The following ZNF341 variants were observed in gnomAD, a reference collection of about 807,000 sequenced individuals.
The protein encoded by ZNF341 is zinc finger protein 341.
Under a neutral mutation model 87.7 loss-of-function variants are expected in ZNF341, and 52 were observed. The observed-to-expected ratio is 0.59, with a 90% CI of 0.47 to 0.75. The LOEUF is 0.75. ZNF341 is among the 30% of genes least tolerant of loss of function. The pLI is 0.00. For missense variants in ZNF341, 977 were observed against 1,145.9 expected (o/e 0.85, Z 2.13); for synonymous variants, 459 against 472.7 (o/e 0.97, Z 0.38).
intron 13 of ZNF341, among the ~76,000 whole-genome samples, chr20:33,789,274 C>T (rs1013156011): frequency 1.3e-5 from 2 of 152,036 alleles, no homozygotes; most frequent in Non-Finnish European, 2.9e-5. Context: ...AGCTCCTGAC[C>T]GCAAGTGATC....
chr20:33,772,731 A>T (rs2019556586), intron 10 of ZNF341, among the ~76,000 whole-genome samples: 1 of 152,176 alleles, frequency 6.6e-6, no homozygotes, highest in African/African-American at 2.4e-5. Context: ...AATGACTGTT[A>T]TGTGGAGTGG....
rs142100706 is a variant in ZNF341, at chr20:33,789,733, G to A, written c.2035+145G>A. On this transcript the variant is annotated intron_variant, in intron 14 of 14. Transcript: ENST00000375200. Reference sequence around the variant, plus strand: ...TTCCAGCCAGCACTTTCACTTATGTGGGCTATGAGCCAGGCCTGTGTTAGG... The same window carrying A: ...TTCCAGCCAGCACTTTCACTTATGTAGGCTATGAGCCAGGCCTGTGTTAGG... 1.0e-4 allele frequency: 89 copies of A among 866,062 alleles called. No individual in the cohort carries two copies. The African/African-American group carries it at 1.4e-3, about 14-fold the overall frequency. The allele number at this position is 866,062 out of a possible 1,614,324, so 53.6% of individuals were successfully genotyped here.
chr20:33,785,177 C>T (rs943854664), intron 12 of ZNF341, among the ~76,000 whole-genome samples: 2 of 152,114 alleles, frequency 1.3e-5, no homozygotes, highest in African/African-American at 2.4e-5. Flanking sequence ...AACTCCCTCT[C>T]ACTTCAGATG....
intron 3 of ZNF341, among the ~76,000 whole-genome samples, chr20:33,746,926 G>T (rs1222772097): frequency 6.6e-6 from 1 of 152,094 alleles, no homozygotes; most frequent in Admixed American, 6.6e-5. Context: ...GAGTTCAGCT[G>T]GGCACGTTGA....
At chr20:33,741,399 TTTTTTTTTC>T (rs2018799627) in intron 2 of ZNF341, among the ~76,000 whole-genome samples, 3 of 151,438 alleles carry the variant, frequency 2.0e-5, no homozygotes, top group East Asian at 1.9e-4. Flanking sequence ...TCTTCTTTTT[TTTTTTTTTC>T]TTTTTTTTCT....
At chr20:33,782,082 A>G (rs1439325418) in intron 11 of ZNF341, among the ~76,000 whole-genome samples, 3 of 152,172 alleles carry the variant, frequency 2.0e-5, no homozygotes, top group African/African-American at 7.2e-5. Flanking sequence ...TGTTGGGATT[A>G]CAGGTATGAG....
chr20:33,732,125 C>G lies in ZNF341; in HGVS notation c.31+73C>G, dbSNP rs2018577340. On this transcript the variant is annotated intron_variant, in intron 1 of 14. Coordinates refer to ENST00000375200, the MANE Select transcript of ZNF341 (RefSeq NM_001282933.2). The surrounding 1 kb of genome is among the most constrained non-coding windows in gnomAD (Gnocchi z 4.5). ...CCTCCCGCCGCGCCCTCGCAGCGCC[C>G]GGCCTAGGGCGCGCAGCGGCCGCGG... 2 of 1,042,002 alleles carry G rather than the reference C, an allele frequency of 1.9e-6. No individual in the cohort carries two copies. The highest frequency in any genetic ancestry group is 2.3e-6 in the Non-Finnish European group (2 of 863,906). The allele number at this position is 1,042,002 out of a possible 1,614,324, so 64.5% of individuals were successfully genotyped here.
chr20:33,761,736 TG>T, intron 7 of ZNF341, 125 bp from the exon 8 acceptor site: 1 of 777,556 alleles, frequency 1.3e-6, no homozygotes, highest in Non-Finnish European at 1.9e-6. Context: ...CTTGTCGCCG[TG>T]GTGTCAGAAT....
At position 33,783,852 on chromosome 20, in the gene ZNF341, C is replaced by T. The variant is rs1315930189; in HGVS notation, c.1840C>T (p.His614Tyr). 1 of 1,613,194 alleles carries T rather than the reference C, an allele frequency of 6.2e-7. No homozygotes were observed. Among genetic ancestry groups the T allele is most frequent in the Admixed American group, 1.7e-5 (1 of 59,900 alleles). The change falls in exon 12 of 15, where the codon CAC (histidine) becomes TAC (tyrosine). Residue 614 changes from histidine (H) to tyrosine (Y), a missense_variant. Physicochemically the swap from His to Tyr is moderately conservative, Grantham distance 83 (BLOSUM62 2). Transcript: ENST00000375200. Reference protein sequence around the residue: ...RREHYLKLHAHIHSGEKPYKC... With the variant: ...RREHYLKLHAYIHSGEKPYKC... ...GGAGCATTATCTCAAACTGCATGCT[C>T]ACATCCACTCGGGTAGGTACCCTGC...
At chr20:33,776,384 C>T (rs1021791947) in intron 10 of ZNF341, among the ~76,000 whole-genome samples, 1 of 150,950 alleles carries the variant, frequency 6.6e-6, no homozygotes, top group Non-Finnish European at 1.5e-5. Flanking sequence ...TGAGCCACTG[C>T]ACCTGGCCTT....
At chr20:33,747,333 T>TTCTCACTGCTTGACTGTGAGTTTTGCTA (rs2018948809) in intron 3 of ZNF341, among the ~76,000 whole-genome samples, 1 of 150,320 alleles carries the variant, frequency 6.7e-6, no homozygotes, top group Admixed American at 6.6e-5. Flanking sequence ...ACAGTCATTT[T>TTCTCACTGCTTGACTGTGAGTTTTGCTA]GGCCGGGCGC....
intron 11 of ZNF341, 59 bp downstream of exon 11, chr20:33,781,446 G>A (rs372308946): frequency 6.0e-6 from 9 of 1,490,752 alleles, no homozygotes; most frequent in African/African-American, 5.5e-5. Flanking sequence ...AGGAGGTGGG[G>A]TGGGGTGCAC....
At chr20:33,776,007 T>C (rs1451204250) in intron 10 of ZNF341, among the ~76,000 whole-genome samples, 1 of 152,096 alleles carries the variant, frequency 6.6e-6, no homozygotes, top group East Asian at 1.9e-4. Context: ...GCCTTCAATA[T>C]ATGTGTTTTA....
intron 8 of ZNF341, among the ~76,000 whole-genome samples, chr20:33,762,641 G>A (rs375421172): frequency 7.9e-5 from 12 of 151,988 alleles, no homozygotes; most frequent in African/African-American, 2.4e-4. Context: ...TAGGTTTTAG[G>A]CCCTGCATGC....
At chr20:33,763,272 T>G (rs1451929156) in intron 8 of ZNF341, among the ~76,000 whole-genome samples, 1 of 152,170 alleles carries the variant, frequency 6.6e-6, no homozygotes, top group African/African-American at 2.4e-5. Context: ...AGTGTACCCA[T>G]CACCCAAATA....
At chr20:33,765,985 CA>C (rs1180423348) in intron 8 of ZNF341, among the ~76,000 whole-genome samples, 1 of 152,098 alleles carries the variant, frequency 6.6e-6, no homozygotes, top group African/African-American at 2.4e-5. Context: ...CGGGTTCAAG[CA>C]ATTCTCCTGC....
chr20:33,740,166 A>G (rs955258242), intron 1 of ZNF341, among the ~76,000 whole-genome samples: 1 of 152,190 alleles, frequency 6.6e-6, no homozygotes, highest in Non-Finnish European at 1.5e-5. Context: ...GCCTGGCTCC[A>G]TCCAGCTTTT....
At chr20:33,744,936 C>T (rs1043189221) in intron 2 of ZNF341, among the ~76,000 whole-genome samples, 167 bp from the exon 3 acceptor site, 11 of 152,190 alleles carry the variant, frequency 7.2e-5, no homozygotes, top group Non-Finnish European at 2.9e-5. Context: ...TAGTTGATGG[C>T]TGACACCTGC....
intron 8 of ZNF341, among the ~76,000 whole-genome samples, chr20:33,765,560 T>C (rs1331385351): frequency 6.6e-6 from 1 of 151,996 alleles, no homozygotes; most frequent in African/African-American, 2.4e-5. Context: ...GTTTATTTTT[T>C]GTAGAGATGG....
Sources: allele counts gnomAD v4.1 joint callset (sites outside exome capture counted in the v4.1 genomes callset), GRCh38; gene constraint gnomAD v4.1.1; non-coding constraint Gnocchi (gnomAD v3.1); transcripts MANE v1.5; gene names NCBI Gene and HGNC (gene_info 2026-07-23, HGNC 2026-07-21).